The following TLCD5 variants were observed in gnomAD, a reference collection of about 807,000 sequenced individuals.
TLCD5 encodes the protein TLC domain-containing protein 5.
TLCD5 carries 15 observed loss-of-function variants against 20.5 expected under a neutral mutation model. The observed-to-expected ratio is 0.73, with a 90% CI of 0.49 to 1.13. TLCD5 has a LOEUF of 1.13. Ranked by LOEUF, TLCD5 falls within the 50% of genes most tolerant of loss-of-function variation. The pLI is 0.00. For synonymous variants in TLCD5, 107 were observed against 114.7 expected (o/e 0.93, Z 0.43); for missense variants, 289 against 305.6 (o/e 0.95, Z 0.41).
intron 2 of TLCD5, among the ~76,000 whole-genome samples, chr11:120,328,961 T>C (rs1942083286): frequency 1.4e-5 from 2 of 137,982 alleles, no homozygotes; most frequent in Non-Finnish European, 3.2e-5. Flanking sequence ...TATGTTTATG[T>C]ATGCATATCT....
chr11:120,330,493 A>G lies in TLCD5; in HGVS notation c.716A>G (p.Asn239Ser). 1 of 1,613,186 alleles carries G rather than the reference A, an allele frequency of 6.2e-7. No individual in the cohort carries two copies. The highest frequency in any genetic ancestry group is 1.3e-5 in the African/African-American group (1 of 75,050). Reference protein sequence around the residue: ...RRSEERQLKHNGHLKIH With the variant: ...RRSEERQLKHSGHLKIH ...AGTGAGGAACGGCAGCTGAAACACA[A>G]CGGACATCTCAAAATACACTAGCCA... Residue 239 changes from asparagine to serine, a missense_variant, in exon 3 of 3, where the codon AAC (asparagine) becomes AGC (serine). Transcript: ENST00000375095.
intron 1 of TLCD5, among the ~76,000 whole-genome samples, chr11:120,326,661 G>A (rs1942007773): frequency 6.6e-6 from 1 of 152,176 alleles, no homozygotes; most frequent in African/African-American, 2.4e-5. Context: ...TAACGTATTT[G>A]TCACCAGTAA....
Position 120,330,300 on chromosome 11 carries a change from G to A in TLCD5, c.523G>A (p.Val175Met). The A allele has an allele frequency of 6.4e-7, 1 of 1,569,300 alleles. No individual in the cohort carries two copies. The highest frequency in any genetic ancestry group is 8.6e-7 in the Non-Finnish European group (1 of 1,156,344). Reference sequence around the variant, plus strand: ...TCTGTTCACAGGAGTGAGGATTGGTGTGGGAGCTTGCCTCCTTTTCTGTGA... The same window carrying A: ...TCTGTTCACAGGAGTGAGGATTGGTATGGGAGCTTGCCTCCTTTTCTGTGA... ...VALFTGVRIG[V>M]GACLLFCEMV... Residue 175 changes from valine to methionine, a missense_variant, in exon 3 of 3, where the codon GTG becomes ATG. Val to Met is a conservative substitution (Grantham distance 21). Coordinates refer to ENST00000375095, the MANE Select transcript of TLCD5 (RefSeq NM_001198671.2).
In TLCD5 at chr11:120,333,444, CTA is replaced by C. The variant is rs1942198174; in HGVS notation, c.*2931_*2932del. On this transcript the variant is annotated 3_prime_UTR_variant, in exon 3 of 3. Transcript: ENST00000375095. This position sits in a 1 kb window ranked among gnomAD's most constrained non-coding sequence, Gnocchi z 4.5. ...CTTTTCTTGATGTTGTTACTAATAA[CTA>C]TGAAAAAACTTCTGAGAGAACAATG... The C allele has an allele frequency of 6.6e-6, 1 of 152,058 alleles. No individual in the cohort carries two copies. The highest frequency in any genetic ancestry group is 1.5e-5 in the Non-Finnish European group (1 of 68,022). 9.4% of individuals were successfully genotyped at this position (152,058 alleles called of 1,614,324 possible). A position where few individuals can be genotyped will look rare whatever the true frequency, so the allele number is the denominator to read the frequency against.
chr11:120,330,017 C>T lies in TLCD5; in HGVS notation c.240C>T (p.Leu80=). The T allele has an allele frequency of 1.2e-6, 2 of 1,614,122 alleles. No individual in the cohort carries two copies. Among genetic ancestry groups the T allele is most frequent in the Admixed American group, 1.7e-5 (1 of 60,026 alleles). ...CTCTCCAAGTTCATGTCCTGTGTCT[C>T]ACCTTGGGCTACTTCATCTTCGACT... The part of the protein sequence containing the change: ...NTPLQVHVLC[L]TLGYFIFDLG... Residue 80 remains leucine (L), a synonymous_variant, in exon 3 of 3, where the codon CTC becomes CTT. Transcript: ENST00000375095.
intron 1 of TLCD5, among the ~76,000 whole-genome samples, chr11:120,326,553 A>G (rs529247963): frequency 5.0e-4 from 76 of 152,368 alleles, no homozygotes; most frequent in African/African-American, 1.5e-3. Context: ...GTACGTTTCA[A>G]TGGAGGAGCT....
chr11:120,328,842 A>AGTGTGTGTGTGTGT (rs67336059), intron 2 of TLCD5, among the ~76,000 whole-genome samples: 3 of 36,824 alleles, frequency 8.1e-5, no homozygotes, highest in South Asian at 1.0e-3. Flanking sequence ...TAACAGTCAT[A>AGTGTGTGTGTGTGT]GTGTGTGTGT....
Sources: gnomAD v4.1 joint callset for allele counts (sites outside exome capture counted in the v4.1 genomes callset) on GRCh38, gnomAD v4.1.1 for gene constraint, Gnocchi (gnomAD v3.1) non-coding constraint, MANE v1.5 for transcripts, NCBI Gene and HGNC (gene_info 2026-07-23, HGNC 2026-07-21) for gene names.